The following MMP17 variants were observed in gnomAD, a reference collection of about 807,000 sequenced individuals.
The protein encoded by MMP17 is matrix metalloproteinase-17.
Under a neutral mutation model 49.1 loss-of-function variants are expected in MMP17, and 54 were observed. The observed-to-expected ratio is 1.10, with a 90% CI of 0.88 to 1.38. The LOEUF (loss-of-function observed/expected upper bound fraction) is 1.38. Ranked by LOEUF, MMP17 falls within the 40% of genes most tolerant of loss-of-function variation. The pLI is 0.00. For synonymous variants in MMP17, 397 were observed against 383.1 expected (o/e 1.04, Z -0.42); for missense variants, 837 against 853.7 (o/e 0.98, Z 0.24).
In MMP17 at chr12:131,846,670, C is replaced by T. The variant is rs866474582; in HGVS notation, c.1204+1221C>T. 5.9e-5 allele frequency among the ~76,000 whole-genome samples: 9 copies of T among 152,130 alleles called. No individual in the cohort carries two copies. Among genetic ancestry groups the T allele is most frequent in the Admixed American group, 1.3e-4 (2 of 15,272 alleles). ...GATTACAGATGTGAGCCACTGCACCCGGCCTGCCTAATCCCATCTTAACTC... is the reference window on the plus strand; with the variant it reads ...GATTACAGATGTGAGCCACTGCACCTGGCCTGCCTAATCCCATCTTAACTC... On this transcript the variant is annotated intron_variant, in intron 8 of 9. Coordinates refer to ENST00000360564, the MANE Select transcript of MMP17 (RefSeq NM_016155.7). This position sits in a 1 kb window ranked among gnomAD's most constrained non-coding sequence, Gnocchi z 4.6.
intron 1 of MMP17, among the ~76,000 whole-genome samples, chr12:131,829,944 G>A (rs1424978107): frequency 6.6e-6 from 1 of 152,240 alleles, no homozygotes; most frequent in African/African-American, 2.4e-5. Flanking sequence ...TGTGAACTTG[G>A]GGTGCCCCCC....
intron 6 of MMP17, 72 bp downstream of exon 6, chr12:131,844,153 C>A: frequency 7.6e-7 from 1 of 1,319,072 alleles, no homozygotes; most frequent in Non-Finnish European, 1.0e-6. Context: ...GCAACATTTG[C>A]CCCAAATCGT....
At chr12:131,844,794 C>T in intron 6 of MMP17, 1 of 369,840 alleles carries the variant, frequency 2.7e-6, no homozygotes, top group Non-Finnish European at 5.1e-6. Context: ...GCTTGGGGTC[C>T]CGTGGCGTGG....
intron 1 of MMP17, among the ~76,000 whole-genome samples, chr12:131,833,031 A>T (rs1231865525): frequency 6.6e-6 from 1 of 152,190 alleles, no homozygotes; most frequent in East Asian, 1.9e-4. Context: ...TCACAGGCGG[A>T]GACCCGGAAG....
chr12:131,849,899 C>T lies in MMP17; in HGVS notation c.1302C>T (p.Ala434=). ...FSLPPGGIDA[A]FSWAHNDRTY... is the part of the protein sequence containing the mutation. The stretch of plus-strand genomic sequence containing the variant: ...TCCCGCCTGGCGGCATCGACGCTGC[C>T]TTCTCCTGGGCCCACAATGACAGGA... Residue 434 remains alanine, a synonymous_variant, in exon 9 of 10, where the codon GCC becomes GCT. Transcript: ENST00000360564. 6.2e-6 allele frequency: 10 copies of T among 1,614,084 alleles called. No homozygotes were observed. The highest frequency in any genetic ancestry group is 8.5e-6 in the Non-Finnish European group (10 of 1,180,018).
In MMP17 at chr12:131,849,873, C is replaced by T; in HGVS notation, c.1276C>T (p.Leu426Phe). The change falls in exon 9 of 10, where the codon CTC (leucine) becomes TTC (phenylalanine). Residue 426 changes from leucine to phenylalanine, a missense_variant. Physicochemically the swap from Leu to Phe is conservative, Grantham distance 22. Transcript: ENST00000360564. Reference sequence around the variant, plus strand: ...CCCGCGCCCCGTCTCCGACTTCAGCCTCCCGCCTGGCGGCATCGACGCTGC... The same window carrying T: ...CCCGCGCCCCGTCTCCGACTTCAGCTTCCCGCCTGGCGGCATCGACGCTGC... ...GYPRPVSDFS[L>F]PPGGIDAAFS... The T allele has an allele frequency of 6.2e-7, 1 of 1,614,070 alleles. No homozygotes were observed. The highest frequency in any genetic ancestry group is 8.5e-7 in the Non-Finnish European group (1 of 1,180,016).
At chr12:131,844,957 C>T (rs1887615783) in intron 6 of MMP17, 161 bp from the exon 7 acceptor site, 2 of 657,850 alleles carry the variant, frequency 3.0e-6, no homozygotes, top group Admixed American at 2.6e-5. Flanking sequence ...TGGACAGGCA[C>T]CCCCGTTTTA....
At chr12:131,834,924 G>A (rs1233658266) in intron 1 of MMP17, among the ~76,000 whole-genome samples, 2 of 152,146 alleles carry the variant, frequency 1.3e-5, no homozygotes, top group Non-Finnish European at 2.9e-5. Context: ...CACCCACACT[G>A]GGAGCACAGG....
In MMP17 at chr12:131,851,172, C is replaced by G. The variant is rs1887955010; in HGVS notation, c.1710C>G (p.Pro570=). The G allele has an allele frequency of 6.7e-7, 1 of 1,486,642 alleles. No homozygotes were observed. The highest frequency in any genetic ancestry group is 9.0e-7 in the Non-Finnish European group (1 of 1,115,032). 92.1% of individuals were successfully genotyped at this position (1,486,642 alleles called of 1,614,324 possible). A position where few individuals can be genotyped will look rare whatever the true frequency, so the allele number is the denominator to read the frequency against. Residue 570 remains proline (P), a synonymous_variant, in exon 10 of 10, where the codon CCC becomes CCG. Coordinates refer to ENST00000360564, the MANE Select transcript of MMP17 (RefSeq NM_016155.7). ...CATGCACCTCTGGGGCATCCTCTCCCCCGGGGGCCCCAGGCCCACTGGTGG... is the reference window on the plus strand; with the variant it reads ...CATGCACCTCTGGGGCATCCTCTCCGCCGGGGGCCCCAGGCCCACTGGTGG... ...VCSCTSGASS[P]PGAPGPLVAA...
At chr12:131,831,499 CAGGG>C (rs1326702086) in intron 1 of MMP17, among the ~76,000 whole-genome samples, 16 of 152,070 alleles carry the variant, frequency 1.1e-4, no homozygotes, top group African/African-American at 3.6e-4. Flanking sequence ...TGGCTGGGGC[CAGGG>C]TGTCCCCTCT....
At position 131,851,268 on chromosome 12, in the gene MMP17, G is replaced by A. The variant is rs759996951; in HGVS notation, c.1806G>A (p.Thr602=). ...TGTGGACAGCGGCCCAGGCCCTGAC[G>A]CTATGACACACAGCGCGAGCCCATG... The part of the protein sequence containing the change: ...GALWTAAQAL[T]L The change falls in exon 10 of 10, where the codon ACG becomes ACA. Residue 602 remains threonine, a synonymous_variant. Transcript: ENST00000360564. 59 of 1,423,724 alleles carry A rather than the reference G, an allele frequency of 4.1e-5. No individual in the cohort carries two copies. In the Admixed American group the frequency reaches 1.4e-3, roughly 35 times the overall value. 88.2% of individuals were successfully genotyped at this position (1,423,724 alleles called of 1,614,324 possible).
intron 5 of MMP17, among the ~76,000 whole-genome samples, chr12:131,842,388 G>A (rs746493646): frequency 8.5e-5 from 13 of 152,260 alleles, no homozygotes; most frequent in East Asian, 5.8e-4. Flanking sequence ...CCTGCCGCCC[G>A]GACCCTCCCG....
At chr12:131,838,434 C>A in intron 2 of MMP17, 107 bp downstream of exon 2, 2 of 1,480,660 alleles carry the variant, frequency 1.4e-6, no homozygotes, top group Non-Finnish European at 1.8e-6. Context: ...CTTGAATGAA[C>A]CTGGGTCCTG....
intron 8 of MMP17, among the ~76,000 whole-genome samples, chr12:131,848,595 C>T (rs1054065612): frequency 3.9e-5 from 6 of 152,062 alleles, no homozygotes; most frequent in African/African-American, 1.4e-4. Context: ...AGCCCCGCCC[C>T]TCCCCTGGGC....
chr12:131,833,550 G>C (rs192359363), intron 1 of MMP17, among the ~76,000 whole-genome samples: 2 of 152,240 alleles, frequency 1.3e-5, no homozygotes, highest in South Asian at 2.1e-4. Flanking sequence ...GGGGAACCCC[G>C]CATGGCTGAG....
At chr12:131,850,782 T>C in intron 9 of MMP17, 143 bp from the exon 10 acceptor site, 1 of 373,930 alleles carries the variant, frequency 2.7e-6, no homozygotes, top group Admixed American at 5.5e-5. Flanking sequence ...ACTGCAGTCT[T>C]GTGCAAGCCC....
Position 131,841,748 on chromosome 12 carries a change from G to GCTGCGCTA in MMP17, c.833_840dup (p.Gly281CysfsTer80). On this transcript the variant is annotated frameshift_variant, in exon 5 of 10. Coordinates refer to ENST00000360564, the MANE Select transcript of MMP17 (RefSeq NM_016155.7). LOFTEE classifies it high-confidence loss of function. ...ACTACCAGGGCCCGGTGGGTGACCCGCTGCGCTACGGGCTCCCCTACGAGG... is the reference window on the plus strand; with the variant it reads ...ACTACCAGGGCCCGGTGGGTGACCCGCTGCGCTACTGCGCTACGGGCTCCCCTACGAGG... 2 of 1,612,786 alleles carry GCTGCGCTA rather than the reference G, an allele frequency of 1.2e-6. No homozygotes were observed. The highest frequency in any genetic ancestry group is 1.7e-6 in the Non-Finnish European group (2 of 1,179,682).
chr12:131,850,531 A>T (rs571863866), intron 9 of MMP17, among the ~76,000 whole-genome samples: 2 of 152,274 alleles, frequency 1.3e-5, no homozygotes, highest in Admixed American at 1.3e-4. Flanking sequence ...CATCCTTGTC[A>T]CCTGGAACAG....
chr12:131,833,550 G>A (rs192359363), intron 1 of MMP17, among the ~76,000 whole-genome samples: 9 of 152,358 alleles, frequency 5.9e-5, no homozygotes, highest in African/African-American at 1.2e-4. Flanking sequence ...GGGGAACCCC[G>A]CATGGCTGAG....
Sources: allele counts gnomAD v4.1 joint callset (sites outside exome capture counted in the v4.1 genomes callset), GRCh38; gene constraint gnomAD v4.1.1; non-coding constraint Gnocchi (gnomAD v3.1); transcripts MANE v1.5; gene names NCBI Gene and HGNC (gene_info 2026-07-23, HGNC 2026-07-21).